Variants in CFAP46 observed in about 807,000 individuals in gnomAD.
The protein encoded by CFAP46 is cilia- and flagella-associated protein 46.
A neutral mutation model predicts 325.7 loss-of-function variants in CFAP46; 245 were observed. The observed-to-expected ratio is 0.75, with a 90% CI of 0.68 to 0.84. The LOEUF (loss-of-function observed/expected upper bound fraction) is 0.84. CFAP46 is among the 40% of genes least tolerant of loss of function. The pLI is 0.00. For missense variants in CFAP46, 3,346 were observed against 3,543.0 expected, an observed-to-expected ratio of 0.94 and a Z score of 1.41; for synonymous variants, 1,523 against 1,495.9, an observed-to-expected ratio of 1.02 and a Z score of -0.42.
At chr10:132,846,353 C>T (rs1346368492) in intron 43 of CFAP46, 126 bp from the exon 44 acceptor site, 3 of 1,189,294 alleles carry the variant, frequency 2.5e-6, no homozygotes, top group Non-Finnish European at 3.5e-6. Flanking sequence ...TGGCAAGGCT[C>T]CCCTGGGATG....
At chr10:132,941,557 C>T in intron 3 of CFAP46, 34 bp downstream of exon 3, 1 of 1,594,874 alleles carries the variant, frequency 6.3e-7, no homozygotes, top group Non-Finnish European at 8.6e-7. Context: ...GAAAATTGAA[C>T]TGTTGGGGAT....
intron 17 of CFAP46, among the ~76,000 whole-genome samples, chr10:132,913,847 G>A (rs1424013574): frequency 1.0e-4 from 11 of 105,230 alleles, no homozygotes; most frequent in South Asian, 3.0e-4. Context: ...CCAGCCCCCC[G>A]CCGGCCTGCG....
At chr10:132,820,303 T>A (rs1252054303) in intron 50 of CFAP46, among the ~76,000 whole-genome samples, 6 of 150,426 alleles carry the variant, frequency 4.0e-5, no homozygotes, top group African/African-American at 1.5e-4. Context: ...AATCTAAGAG[T>A]GCAGCTCACA....
intron 50 of CFAP46, among the ~76,000 whole-genome samples, chr10:132,821,951 TTG>T (rs1268925959): frequency 7.5e-5 from 10 of 132,560 alleles, no homozygotes; most frequent in Non-Finnish European, 9.4e-5. Context: ...GTGTGTGCGC[TTG>T]TGTGTGCTGT....
intron 22 of CFAP46, among the ~76,000 whole-genome samples, chr10:132,907,581 C>T (rs541318194): frequency 6.6e-6 from 1 of 152,340 alleles, no homozygotes; most frequent in African/African-American, 2.4e-5. Flanking sequence ...TTCAAAATTA[C>T]TTCAAAGCTG....
intron 50 of CFAP46, among the ~76,000 whole-genome samples, chr10:132,823,824 CTGA>C (rs1272851492): frequency 1.6e-5 from 2 of 126,752 alleles, no homozygotes; most frequent in Non-Finnish European, 3.2e-5. Context: ...TGTGTGAGTG[CTGA>C]TGTGTGCTGT....
At chr10:132,925,150 C>T (rs1021620238) in intron 10 of CFAP46, among the ~76,000 whole-genome samples, 6 of 152,110 alleles carry the variant, frequency 3.9e-5, no homozygotes, top group African/African-American at 1.2e-4. Context: ...ACTCAGCGGG[C>T]GCTGCTCCCT....
intron 22 of CFAP46, among the ~76,000 whole-genome samples, chr10:132,901,879 C>A (rs1225911420): frequency 6.6e-6 from 1 of 152,132 alleles, no homozygotes; most frequent in Non-Finnish European, 1.5e-5. Context: ...GACAGGTTTT[C>A]TTTTTTTAAC....
intron 8 of CFAP46, among the ~76,000 whole-genome samples, chr10:132,931,017 CAA>C (rs1849890929): frequency 1.6e-5 from 2 of 127,536 alleles, no homozygotes; most frequent in Admixed American, 7.7e-5. Context: ...TCCTCCTCCA[CAA>C]ACAAAACCTG....
chr10:132,930,738 G>T (rs1183511421), intron 8 of CFAP46, among the ~76,000 whole-genome samples: 2 of 73,962 alleles, frequency 2.7e-5, no homozygotes, highest in Non-Finnish European at 5.1e-5. Context: ...CAGAGCCTGG[G>T]CCTTCCTCCT....
chr10:132,941,544 G>C (rs933971893), intron 3 of CFAP46, 47 bp downstream of exon 3: 2 of 1,586,714 alleles, frequency 1.3e-6, no homozygotes, highest in African/African-American at 2.7e-5. Context: ...CTGGAGATGG[G>C]GTGAAAATTG....
chr10:132,905,432 G>A (rs1297810915), intron 22 of CFAP46, among the ~76,000 whole-genome samples: 2 of 146,696 alleles, frequency 1.4e-5, no homozygotes, highest in Admixed American at 6.8e-5. Context: ...GTTATTTCTA[G>A]CATCCCACAT....
At position 132,860,775 on chromosome 10, in the gene CFAP46, C is replaced by CTCTT; in HGVS notation, c.5091+3_5091+6dup. The stretch of plus-strand genomic sequence containing the variant: ...GACATGCAGCCCCAGGTCCCCGTGC[C>CTCTT]TCTTACCGTAGCTTCCCTTCCTGAG... On this transcript the variant is annotated splice_region_variant and intron_variant, in intron 36 of 57. Transcript: ENST00000368586. 1.9e-6 allele frequency: 3 copies of CTCTT among 1,550,500 alleles called. No individual in the cohort carries two copies. The highest frequency in any genetic ancestry group is 2.6e-6 in the Non-Finnish European group (3 of 1,146,870).
chr10:132,831,981 A>C (rs1160060607), intron 50 of CFAP46, among the ~76,000 whole-genome samples: 1 of 152,152 alleles, frequency 6.6e-6, no homozygotes, highest in Non-Finnish European at 1.5e-5. Flanking sequence ...TCCAAGTAAT[A>C]TTATACCACT....
At position 132,846,929 on chromosome 10, in the gene CFAP46, C is replaced by T. The variant is rs377004244; in HGVS notation, c.6267+3G>A. The T allele has an allele frequency of 4.4e-6, 7 of 1,607,228 alleles. No homozygotes were observed. The African/African-American group carries it at 8.0e-5, about 18-fold the overall frequency. ...GCTGGAGGTGGGCAGGGCAGAGACA[C>T]ACCTGAGACAGAGCCAGGAACTGGC... is the stretch of plus-strand genomic sequence containing the variant. On this transcript the variant is annotated splice_donor_region_variant and intron_variant, in intron 43 of 57. Coordinates refer to ENST00000368586, the MANE Select transcript of CFAP46 (RefSeq NM_001200049.3).
intron 44 of CFAP46, among the ~76,000 whole-genome samples, chr10:132,841,211 G>A (rs984251112): frequency 1.3e-5 from 2 of 152,218 alleles, no homozygotes; most frequent in African/African-American, 2.4e-5. Context: ...CTATGAGCCT[G>A]TGAAATCAAA....
rs976078386 is a variant in CFAP46 at position 132,912,827 on chromosome 10, G to T, written c.2334-7C>A. The T allele has an allele frequency of 1.0e-5, 16 of 1,547,746 alleles. No individual in the cohort carries two copies. In the African/African-American group the frequency reaches 2.1e-4, roughly 20 times the overall value. On this transcript the variant is annotated splice_region_variant and splice_polypyrimidine_tract_variant and intron_variant, in intron 18 of 57. Transcript: ENST00000368586. Reference sequence around the variant, plus strand: ...CACCAGCATCACGGGGTCCCTGGGAGACATGCTTGTCAGAGGGAACCTTGG... The same window carrying T: ...CACCAGCATCACGGGGTCCCTGGGATACATGCTTGTCAGAGGGAACCTTGG...
At position 132,847,823 on chromosome 10, in the gene CFAP46, A is replaced by G. The variant is rs1188117319; in HGVS notation, c.5953-502T>C. Among the ~76,000 whole-genome samples, 1 of 152,198 alleles carries G rather than the reference A, an allele frequency of 6.6e-6. No homozygotes were observed. The highest frequency in any genetic ancestry group is 1.9e-4 in the East Asian group (1 of 5,184). ...GAGCCCCCTGGGTTTTCGGGACACA[A>G]GGTATCGCAGCACCAAATCTATATA... is the stretch of plus-strand genomic sequence containing the variant. On this transcript the variant is annotated intron_variant, in intron 41 of 57. Transcript: ENST00000368586. The surrounding 1 kb of genome is among the most constrained non-coding windows in gnomAD (Gnocchi z 5.2).
Position 132,916,560 on chromosome 10 carries a change from C to A in CFAP46, c.2109G>T (p.Trp703Cys), listed in dbSNP as rs777729854. Reference sequence around the variant, plus strand: ...TCGCCTCTGCCCACCTGTATGTGATCCACTCAGCATTCACCTCCGGGGGCT... The same window carrying A: ...TCGCCTCTGCCCACCTGTATGTGATACACTCAGCATTCACCTCCGGGGGCT... ...VPEPPEVNAE[W>C]ITYRTWIESL... is the part of the protein sequence containing the mutation. The change falls in exon 17 of 58, where the codon TGG (tryptophan) becomes TGT (cysteine). Residue 703 changes from tryptophan to cysteine, a missense_variant. Coordinates refer to ENST00000368586, the MANE Select transcript of CFAP46 (RefSeq NM_001200049.3). 1.9e-6 allele frequency: 3 copies of A among 1,547,982 alleles called. No homozygotes were observed. Among genetic ancestry groups the A allele is most frequent in the Non-Finnish European group, 2.6e-6 (3 of 1,145,808 alleles).
Sources: gnomAD v4.1 joint callset for allele counts (sites outside exome capture counted in the v4.1 genomes callset) on GRCh38, gnomAD v4.1.1 for gene constraint, Gnocchi (gnomAD v3.1) non-coding constraint, MANE v1.5 for transcripts, NCBI Gene and HGNC (gene_info 2026-07-23, HGNC 2026-07-21) for gene names.